The following PUS7 variants were observed in gnomAD, a reference collection of about 807,000 sequenced individuals.
PUS7 encodes pseudouridine synthase 7, also known as pseudouridylate synthase 7 homolog.
A neutral mutation model predicts 79.8 loss-of-function variants in PUS7; 48 were observed. The ratio of observed to expected loss-of-function variants is 0.60; its 90% confidence interval spans 0.48 to 0.76. The LOEUF (loss-of-function observed/expected upper bound fraction) is 0.76. Among genes scored for constraint, PUS7 ranks in the 30% least tolerant of loss-of-function variants. PUS7 has a pLI of 0.00. For missense variants in PUS7, 729 were observed against 797.6 expected (o/e 0.91, Z 1.04); for synonymous variants, 286 against 272.2 (o/e 1.05, Z -0.50).
At chr7:105,520,533 A>C (rs1330276139) in intron 1 of PUS7, among the ~76,000 whole-genome samples, 4 of 146,946 alleles carry the variant, frequency 2.7e-5, no homozygotes, top group African/African-American at 1.0e-4. Context: ...TAAATAAATA[A>C]ATAAATAAAT....
intron 4 of PUS7, among the ~76,000 whole-genome samples, chr7:105,504,250 T>C (rs1825369458): frequency 6.6e-6 from 1 of 151,434 alleles, no homozygotes; most frequent in African/African-American, 2.4e-5. Context: ...TTCGTATTTT[T>C]AGTAGAGATG....
chr7:105,477,619 G>A lies in PUS7; in HGVS notation c.1175+3433C>T, dbSNP rs76806857. The stretch of plus-strand genomic sequence containing the variant: ...TTCACATAACATATAATTCACCCAT[G>A]TAAGTGTACAATTCAATGGCTTTTA... On this transcript the variant is annotated intron_variant, in intron 9 of 15. Coordinates refer to ENST00000469408, the MANE Select transcript of PUS7 (RefSeq NM_019042.5). Among the ~76,000 whole-genome samples, 218 of 152,074 alleles carry A rather than the reference G, an allele frequency of 1.4e-3. 6 individuals carry two copies. The East Asian group carries it at 0.04, about 28-fold the overall frequency.
At chr7:105,488,210 G>A (rs1464112735) in intron 7 of PUS7, among the ~76,000 whole-genome samples, 9 of 152,064 alleles carry the variant, frequency 5.9e-5, no homozygotes, top group African/African-American at 2.2e-4. Context: ...AAATATTCTT[G>A]GTCTTCAACT....
rs866310395 is a variant in PUS7, at chr7:105,474,490, C to T, written c.1176-2297G>A. 1.1e-4 allele frequency among the ~76,000 whole-genome samples: 16 copies of T among 151,914 alleles called. No homozygotes were observed. The East Asian group carries it at 2.3e-3, about 22-fold the overall frequency. On this transcript the variant is annotated intron_variant, in intron 9 of 15. Transcript: ENST00000469408. ...TTACACTAAAAAACCTTTGTTAGGCCGGGCATGGTGGCTCACACCTGTAAT... is the reference window on the plus strand; with the variant it reads ...TTACACTAAAAAACCTTTGTTAGGCTGGGCATGGTGGCTCACACCTGTAAT...
chr7:105,513,986 G>A (rs1391848323), intron 1 of PUS7, among the ~76,000 whole-genome samples: 1 of 139,264 alleles, frequency 7.2e-6, no homozygotes, highest in Non-Finnish European at 1.6e-5. Flanking sequence ...GCCAAGGCAG[G>A]TGGATCGCCA....
At chr7:105,496,944 A>G in intron 5 of PUS7, 1 of 1,205,830 alleles carries the variant, frequency 8.3e-7, no homozygotes, top group Non-Finnish European at 1.1e-6. Flanking sequence ...GAAATGCCAA[A>G]TGCTCTTACC....
intron 6 of PUS7, among the ~76,000 whole-genome samples, chr7:105,493,715 G>C (rs1483352544): frequency 3.9e-5 from 6 of 152,136 alleles, no homozygotes; most frequent in Non-Finnish European, 8.8e-5. Context: ...CAGATACCAG[G>C]GGTGTGCGTG....
At chr7:105,493,980 T>C (rs903838002) in intron 6 of PUS7, among the ~76,000 whole-genome samples, 11 of 152,226 alleles carry the variant, frequency 7.2e-5, no homozygotes, top group Non-Finnish European at 1.3e-4. Context: ...TTCCACAGCA[T>C]ACAGACTTGC....
intron 8 of PUS7, among the ~76,000 whole-genome samples, chr7:105,481,444 A>G (rs768402638): frequency 4.6e-5 from 7 of 152,206 alleles, no homozygotes; most frequent in Non-Finnish European, 8.8e-5. Context: ...TTTTGCAATC[A>G]GACCTTGGCG....
chr7:105,489,488 C>T (rs954196597), intron 7 of PUS7, among the ~76,000 whole-genome samples: 1 of 152,142 alleles, frequency 6.6e-6, no homozygotes, highest in Non-Finnish European at 1.5e-5. Flanking sequence ...AATGACTCCA[C>T]ATTCTATATG....
intron 7 of PUS7, among the ~76,000 whole-genome samples, chr7:105,484,678 G>A (rs1183182306): frequency 1.3e-5 from 2 of 151,406 alleles, no homozygotes; most frequent in East Asian, 2.0e-4. Flanking sequence ...AATTAGCCGG[G>A]TGTGGTGGCA....
At chr7:105,480,422 C>T (rs2133123469) in intron 9 of PUS7, among the ~76,000 whole-genome samples, 1 of 152,176 alleles carries the variant, frequency 6.6e-6, no homozygotes, top group Non-Finnish European at 1.5e-5. Context: ...TTGCAGTGAG[C>T]CAACATTGCA....
chr7:105,473,027 CT>C (rs1823937325), intron 9 of PUS7, among the ~76,000 whole-genome samples: 1 of 150,884 alleles, frequency 6.6e-6, no homozygotes, highest in African/African-American at 2.4e-5. Flanking sequence ...TCCCAAAGTG[CT>C]GGGATTACAG....
At chr7:105,466,789 G>A (rs896354932) in intron 12 of PUS7, among the ~76,000 whole-genome samples, 2 of 151,604 alleles carry the variant, frequency 1.3e-5, no homozygotes, top group Non-Finnish European at 2.9e-5. Flanking sequence ...GTACTTAAGA[G>A]GATGAAACAC....
At chr7:105,494,989 AAAAGAAAG>A (rs1554348283) in intron 6 of PUS7, among the ~76,000 whole-genome samples, 145 bp downstream of exon 6, 72 of 149,796 alleles carry the variant, frequency 4.8e-4, no homozygotes, top group African/African-American at 1.6e-3. Flanking sequence ...AAAAAAAAAA[AAAAGAAAG>A]AAAGAAAGAA....
intron 15 of PUS7, among the ~76,000 whole-genome samples, chr7:105,458,663 T>C (rs893027054): frequency 7.9e-5 from 12 of 151,032 alleles, no homozygotes; most frequent in African/African-American, 9.8e-5. Context: ...AGCTCCGCCT[T>C]CTGTGTTCAC....
intron 7 of PUS7, among the ~76,000 whole-genome samples, chr7:105,483,196 GTCTC>G (rs10684998): frequency 6.9e-6 from 1 of 145,962 alleles, no homozygotes; most frequent in Non-Finnish European, 1.5e-5. Flanking sequence ...TTTTGAGACA[GTCTC>G]TCTCTGTTGC....
At chr7:105,519,738 A>T (rs534075105) in intron 1 of PUS7, among the ~76,000 whole-genome samples, 1 of 152,322 alleles carries the variant, frequency 6.6e-6, no homozygotes, top group African/African-American at 2.4e-5. Context: ...AAATCTCAGG[A>T]CATGCGAGCT....
chr7:105,475,272 G>A (rs10243648), intron 9 of PUS7, among the ~76,000 whole-genome samples: 34,941 of 151,838 alleles, frequency 0.23, 9,375 homozygotes, highest in African/African-American at 0.65. Context: ...TGCAAGCTCC[G>A]CCTCCCGGGT....
Sources: allele counts gnomAD v4.1 joint callset (sites outside exome capture counted in the v4.1 genomes callset), GRCh38; gene constraint gnomAD v4.1.1; transcripts MANE v1.5; gene names NCBI Gene and HGNC (gene_info 2026-07-23, HGNC 2026-07-21).